Variants in PPM1D observed in about 807,000 individuals in gnomAD.
The protein encoded by PPM1D is protein phosphatase 1D.
A neutral mutation model predicts 58.3 loss-of-function variants in PPM1D; 52 were observed. The ratio of observed to expected loss-of-function variants is 0.89; its 90% confidence interval spans 0.71 to 1.12. The LOEUF is 1.12. Ranked by LOEUF, PPM1D falls within the 50% of genes most tolerant of loss-of-function variation. PPM1D has a pLI of 0.00. For missense variants in PPM1D, 564 were observed against 777.2 expected (o/e 0.73, Z 3.26); for synonymous variants, 278 against 285.1 (o/e 0.98, Z 0.25).
intron 3 of PPM1D, among the ~76,000 whole-genome samples, chr17:60,637,815 G>A (rs1377078594): frequency 2.0e-5 from 3 of 152,182 alleles, no homozygotes; most frequent in Non-Finnish European, 4.4e-5. Flanking sequence ...TAGGGGATGT[G>A]AATGGAAGAA....
chr17:60,621,674 C>T (rs1437211266), intron 1 of PPM1D, among the ~76,000 whole-genome samples: 14 of 149,756 alleles, frequency 9.3e-5, no homozygotes, highest in South Asian at 6.3e-4. Flanking sequence ...CCCGGGTTCA[C>T]GCCATTCTCT....
At chr17:60,660,263 G>C (rs928432890) in intron 5 of PPM1D, among the ~76,000 whole-genome samples, 7 of 152,144 alleles carry the variant, frequency 4.6e-5, no homozygotes, top group Non-Finnish European at 8.8e-5. Flanking sequence ...TTGAACCCAG[G>C]AGGCGGAGGT....
chr17:60,660,285 A>G (rs1163328815), intron 5 of PPM1D, among the ~76,000 whole-genome samples: 1 of 151,720 alleles, frequency 6.6e-6, no homozygotes, highest in Non-Finnish European at 1.5e-5. Context: ...GCATTGAGCC[A>G]AGACTGTGCC....
chr17:60,621,380 G>GT (rs200279985), intron 1 of PPM1D, among the ~76,000 whole-genome samples: 1 of 147,502 alleles, frequency 6.8e-6, no homozygotes, highest in Admixed American at 6.6e-5. Context: ...CTACCTCAGA[G>GT]TTTTGTTTGT....
intron 1 of PPM1D, among the ~76,000 whole-genome samples, chr17:60,610,650 T>A (rs2030435949): frequency 6.6e-6 from 1 of 152,232 alleles, no homozygotes; most frequent in South Asian, 2.1e-4. Context: ...CAAGATCATT[T>A]GTTTATACAA....
intron 1 of PPM1D, among the ~76,000 whole-genome samples, chr17:60,605,765 C>T (rs2030316896): frequency 1.3e-5 from 2 of 152,204 alleles, no homozygotes; most frequent in South Asian, 2.1e-4. Context: ...ATTAGCCGCA[C>T]GTGGTGGTGT....
rs767293033 is a variant in PPM1D at position 60,663,120 on chromosome 17, A to T, written c.1386A>T (p.Gln462His). 1 of 1,614,200 alleles carries T rather than the reference A, an allele frequency of 6.2e-7. No homozygotes were observed. The highest frequency in any genetic ancestry group is 8.5e-7 in the Non-Finnish European group (1 of 1,180,026). ...CTGAGATAGCTCGAGAGAATGTCCA[A>T]GGTGTAGTCATACCCTCAAAAGATC... ...VSAEIARENV[Q>H]GVVIPSKDPE... The change falls in exon 6 of 6, where the codon CAA (glutamine) becomes CAT (histidine). Residue 462 changes from glutamine (Q) to histidine (H), a missense_variant. By Grantham distance (24) the Gln-to-His change is conservative (BLOSUM62 0). This residue lies in a region of PPM1D where 261 missense variants were observed against 270.1 expected (regional missense o/e 0.97). Coordinates refer to ENST00000305921, the MANE Select transcript of PPM1D (RefSeq NM_003620.4).
intron 3 of PPM1D, among the ~76,000 whole-genome samples, chr17:60,642,630 TG>T (rs1454350175): frequency 5.3e-5 from 8 of 152,112 alleles, no homozygotes; most frequent in Non-Finnish European, 1.2e-4. Context: ...AGCTAATTTT[TG>T]TATTTCTAGT....
chr17:60,656,302 A>G (rs1415005080), intron 4 of PPM1D, among the ~76,000 whole-genome samples: 1 of 151,188 alleles, frequency 6.6e-6, no homozygotes, highest in Non-Finnish European at 1.5e-5. Context: ...AAATACAAAA[A>G]ATTAGCCGGC....
chr17:60,613,630 G>A (rs1567965427), intron 1 of PPM1D, among the ~76,000 whole-genome samples: 1 of 152,238 alleles, frequency 6.6e-6, no homozygotes, highest in South Asian at 2.1e-4. Context: ...GCGCGGGTGG[G>A]AACTGGGGCT....
Position 60,663,393 on chromosome 17 carries a change from T to A in PPM1D, c.1659T>A (p.Asn553Lys). 1 of 1,614,158 alleles carries A rather than the reference T, an allele frequency of 6.2e-7. No homozygotes were observed. Among genetic ancestry groups the A allele is most frequent in the South Asian group, 1.1e-5 (1 of 91,092 alleles). Residue 553 changes from asparagine to lysine, a missense_variant, in exon 6 of 6, where the codon AAT becomes AAA. Physicochemically the swap from Asn to Lys is moderately conservative, Grantham distance 94. This residue lies in a region of PPM1D where 261 missense variants were observed against 270.1 expected (regional missense o/e 0.97). Coordinates refer to ENST00000305921, the MANE Select transcript of PPM1D (RefSeq NM_003620.4). ...SGPLMKKHRRNGLSRSSGAQP... is the reference protein window; with the variant it reads ...SGPLMKKHRRKGLSRSSGAQP... The stretch of plus-strand genomic sequence containing the variant: ...CCCTGATGAAGAAGCATAGACGAAA[T>A]GGCTTAAGTCGAAGTAGTGGTGCTC...
At chr17:60,609,501 A>G (rs375376354) in intron 1 of PPM1D, among the ~76,000 whole-genome samples, 2 of 152,206 alleles carry the variant, frequency 1.3e-5, no homozygotes, top group East Asian at 3.8e-4. Context: ...TCAATGTTGA[A>G]ATATTAAATA....
Position 60,600,691 on chromosome 17 carries a change from C to A in PPM1D, c.277C>A (p.Arg93Ser). Reference protein sequence around the residue: ...GASPAPSRCCRRRSSVAFFAV... With the variant: ...GASPAPSRCCSRRSSVAFFAV... ...CTCGCCGGCACCTAGCCGCTGCTGC[C>A]GCCGCCGTTCCTCCGTGGCCTTTTT... The change falls in exon 1 of 6, where the codon CGC becomes AGC. Residue 93 changes from arginine to serine, a missense_variant. Transcript: ENST00000305921. The A allele has an allele frequency of 1.3e-6, 2 of 1,591,178 alleles. No homozygotes were observed. The highest frequency in any genetic ancestry group is 1.7e-6 in the Non-Finnish European group (2 of 1,170,508).
At chr17:60,651,302 C>T (rs1316846150) in intron 4 of PPM1D, among the ~76,000 whole-genome samples, 1 of 151,970 alleles carries the variant, frequency 6.6e-6, no homozygotes, top group Non-Finnish European at 1.5e-5. Context: ...ATTAATGCTG[C>T]CTTTAATCAA....
Position 60,663,821 on chromosome 17 carries a change from T to A in PPM1D, c.*269T>A. 3.0e-6 allele frequency: 1 copy of A among 330,534 alleles called. No homozygotes were observed. The highest frequency in any genetic ancestry group is 5.6e-6 in the Non-Finnish European group (1 of 178,920). 20.5% of individuals were successfully genotyped at this position (330,534 alleles called of 1,614,324 possible). A position where few individuals can be genotyped will look rare whatever the true frequency, so the allele number is the denominator to read the frequency against. ...CTGAATACACAGTATTCAGAGTCTCTGATACACAGTAATTGTGACAATAGG... is the reference window on the plus strand; with the variant it reads ...CTGAATACACAGTATTCAGAGTCTCAGATACACAGTAATTGTGACAATAGG... On this transcript the variant is annotated 3_prime_UTR_variant, in exon 6 of 6. Coordinates refer to ENST00000305921, the MANE Select transcript of PPM1D (RefSeq NM_003620.4).
chr17:60,640,542 T>C (rs1339565314), intron 3 of PPM1D, among the ~76,000 whole-genome samples: 1 of 152,202 alleles, frequency 6.6e-6, no homozygotes, highest in Non-Finnish European at 1.5e-5. Flanking sequence ...TTTGTTTTTG[T>C]AATTTCAGCT....
intron 5 of PPM1D, among the ~76,000 whole-genome samples, chr17:60,657,796 A>G (rs1316769519): frequency 6.6e-6 from 1 of 152,030 alleles, no homozygotes; most frequent in African/African-American, 2.4e-5. Context: ...CTAGAGTGCA[A>G]TGGCATTATC....
intron 3 of PPM1D, among the ~76,000 whole-genome samples, chr17:60,638,056 G>A (rs888544513): frequency 2.6e-5 from 4 of 152,172 alleles, no homozygotes; most frequent in Admixed American, 6.6e-5. Flanking sequence ...CATGATTGGG[G>A]TTATTGAAGA....
At chr17:60,643,331 T>C (rs960770605) in intron 3 of PPM1D, among the ~76,000 whole-genome samples, 8 of 151,424 alleles carry the variant, frequency 5.3e-5, no homozygotes, top group African/African-American at 1.9e-4. Flanking sequence ...CAGTGAGCCA[T>C]GATCGCACCA....
Sources: gnomAD v4.1 joint callset for allele counts (sites outside exome capture counted in the v4.1 genomes callset) on GRCh38, gnomAD v4.1.1 for gene constraint, gnomAD v4.1.1 regional missense constraint, MANE v1.5 for transcripts, NCBI Gene and HGNC (gene_info 2026-07-23, HGNC 2026-07-21) for gene names.